The following TBX5 variants were observed in gnomAD, a reference collection of about 807,000 sequenced individuals.
The protein encoded by TBX5 is T-box transcription factor 5.
TBX5 carries 8 observed loss-of-function variants against 51.1 expected under a neutral mutation model. The observed-to-expected ratio is 0.16, with a 90% CI of 0.09 to 0.28. TBX5 has a LOEUF of 0.28. Ranked by LOEUF, TBX5 falls within the 10% of genes least tolerant of loss-of-function variation. The pLI, the probability that TBX5 is intolerant of heterozygous loss-of-function variation, is 1.00. For synonymous variants in TBX5, 302 were observed against 266.4 expected, an observed-to-expected ratio of 1.13 and a Z score of -1.30; for missense variants, 589 against 671.7, an observed-to-expected ratio of 0.88 and a Z score of 1.36.
chr12:114,361,603 G>A (rs994690781), intron 8 of TBX5, among the ~76,000 whole-genome samples: 3 of 152,134 alleles, frequency 2.0e-5, no homozygotes, highest in Non-Finnish European at 4.4e-5. Context: ...GGAGCCCTCC[G>A]GCCTGCCTGG....
chr12:114,396,720 A>C, intron 5 of TBX5, among the ~76,000 whole-genome samples: 1 of 152,174 alleles, frequency 6.6e-6, no homozygotes, highest in East Asian at 1.9e-4. Context: ...CCCATCCTCC[A>C]GAAGGAGCCA....
chr12:114,379,349 T>G (rs1332147766), intron 7 of TBX5, among the ~76,000 whole-genome samples: 1 of 152,142 alleles, frequency 6.6e-6, no homozygotes, highest in African/African-American at 2.4e-5. Flanking sequence ...GTAGGGAACT[T>G]GGGGACTTTG....
intron 7 of TBX5, among the ~76,000 whole-genome samples, chr12:114,368,876 A>G (rs780849374): frequency 6.6e-6 from 1 of 152,158 alleles, no homozygotes; most frequent in South Asian, 2.1e-4. Context: ...TCCCTGTGCC[A>G]TCTCAGAACC....
chr12:114,377,990 T>C (rs1011373257), intron 7 of TBX5, among the ~76,000 whole-genome samples: 2 of 152,056 alleles, frequency 1.3e-5, no homozygotes, highest in African/African-American at 4.8e-5. Flanking sequence ...CCATCCACTC[T>C]CTGGTTGGGT....
chr12:114,360,534 G>T (rs929294977), intron 8 of TBX5, among the ~76,000 whole-genome samples: 2 of 151,604 alleles, frequency 1.3e-5, no homozygotes, highest in African/African-American at 2.4e-5. Flanking sequence ...ATGAGTGAGT[G>T]GTTGGGTAGG....
chr12:114,375,180 C>T (rs1385164528), intron 7 of TBX5, among the ~76,000 whole-genome samples: 1 of 152,180 alleles, frequency 6.6e-6, no homozygotes, highest in East Asian at 1.9e-4. Context: ...TGCAGAAATA[C>T]AATCACGTGT....
At chr12:114,356,444 A>G (rs1235180583) in intron 8 of TBX5, among the ~76,000 whole-genome samples, 1 of 152,146 alleles carries the variant, frequency 6.6e-6, no homozygotes, top group African/African-American at 2.4e-5. Context: ...AATAAATAGC[A>G]ACTAACCAGG....
intron 7 of TBX5, among the ~76,000 whole-genome samples, chr12:114,370,580 C>T (rs1267555214): frequency 6.6e-6 from 1 of 152,044 alleles, no homozygotes; most frequent in Non-Finnish European, 1.5e-5. Context: ...TGATGGCCGC[C>T]TTCCCTCAGT....
At chr12:114,398,850 T>C in intron 4 of TBX5, 130 bp from the exon 5 acceptor site, 3 of 1,147,508 alleles carry the variant, frequency 2.6e-6, no homozygotes, top group Non-Finnish European at 3.8e-6. Flanking sequence ...CTGGAGGCTC[T>C]CCCGTCTCCC....
intron 3 of TBX5, 95 bp from the exon 4 acceptor site, chr12:114,399,727 G>A (rs1565941646): frequency 6.3e-7 from 1 of 1,586,872 alleles, no homozygotes; most frequent in Non-Finnish European, 8.6e-7. Context: ...AGCAATTCCT[G>A]GAGAAACGTG....
Position 114,395,527 on chromosome 12 carries a change from G to A in TBX5, c.511-634C>T, listed in dbSNP as rs539694750. Among the ~76,000 whole-genome samples, 3 of 152,236 alleles carry A rather than the reference G, an allele frequency of 2.0e-5. No individual in the cohort carries two copies. The East Asian group carries it at 5.8e-4, about 29-fold the overall frequency. ...AAAAGAGAAGATATTTGGGGGTCAC[G>A]GGTGATCTGCCCTCCAAGGATGTCG... is the stretch of plus-strand genomic sequence containing the variant. On this transcript the variant is annotated intron_variant, in intron 5 of 8. Transcript: ENST00000405440.
chr12:114,355,781 G>A lies in TBX5; in HGVS notation c.1308C>T (p.Val436=). ...GGTTGGCCATGCCAGCCAGCCGAGG[G>A]ACCAGGGGCCCCGAGGTGAAGTGAG... The part of the protein sequence containing the change: ...FSAHFTSGPL[V]PRLAGMANHG... The change falls in exon 9 of 9, where the codon GTC becomes GTT. Residue 436 remains valine (V), a synonymous_variant. Transcript: ENST00000405440. The A allele has an allele frequency of 6.2e-7, 1 of 1,614,170 alleles. No individual in the cohort carries two copies. Among genetic ancestry groups the A allele is most frequent in the Middle Eastern group, 1.6e-4 (1 of 6,062 alleles).
chr12:114,387,855 G>C (rs1451460953), intron 6 of TBX5, among the ~76,000 whole-genome samples: 1 of 152,140 alleles, frequency 6.6e-6, no homozygotes, highest in Non-Finnish European at 1.5e-5. Context: ...GTTTTGTTTG[G>C]ATATGGGGTC....
chr12:114,397,354 T>C (rs1316235906), intron 5 of TBX5, among the ~76,000 whole-genome samples: 2 of 152,158 alleles, frequency 1.3e-5, no homozygotes, highest in South Asian at 2.1e-4. Context: ...TGGACTCTCC[T>C]GTGCAAAAGC....
chr12:114,396,825 C>A (rs1012306863), intron 5 of TBX5, among the ~76,000 whole-genome samples: 1 of 152,134 alleles, frequency 6.6e-6, no homozygotes, highest in South Asian at 2.1e-4. Context: ...ACAGCCAGGG[C>A]GGGTCAGCCA....
intron 7 of TBX5, among the ~76,000 whole-genome samples, chr12:114,380,976 T>C (rs774071814): frequency 2.6e-5 from 4 of 152,198 alleles, no homozygotes; most frequent in Non-Finnish European, 4.4e-5. Flanking sequence ...GCACACCCTT[T>C]AATTGGTCTG....
chr12:114,369,271 G>A (rs528959842), intron 7 of TBX5, among the ~76,000 whole-genome samples: 29 of 152,240 alleles, frequency 1.9e-4, no homozygotes, highest in African/African-American at 5.3e-4. Context: ...GGAATTCTCC[G>A]TTCCAGTACA....
At chr12:114,388,674 C>CTG (rs1565936747) in intron 6 of TBX5, among the ~76,000 whole-genome samples, 1 of 79,262 alleles carries the variant, frequency 1.3e-5, no homozygotes, top group Non-Finnish European at 2.5e-5. Context: ...TTTAAAGTAT[C>CTG]CGTGTGTGTG....
At chr12:114,402,043 T>A in intron 2 of TBX5, 123 bp from the exon 3 acceptor site, 1 of 894,328 alleles carries the variant, frequency 1.1e-6, no homozygotes, top group Non-Finnish European at 1.8e-6. Flanking sequence ...TCTCAGAGAG[T>A]AAAAAGTGGC....
Sources: gnomAD v4.1 joint callset for allele counts (sites outside exome capture counted in the v4.1 genomes callset) on GRCh38, gnomAD v4.1.1 for gene constraint, MANE v1.5 for transcripts, NCBI Gene and HGNC (gene_info 2026-07-23, HGNC 2026-07-21) for gene names.